Variants in ZNF517 observed in about 807,000 individuals in gnomAD.
ZNF517 encodes zinc finger protein 517.
A neutral mutation model predicts 12.1 loss-of-function variants in ZNF517; 12 were observed. The observed-to-expected ratio is 0.99, with a 90% confidence interval of 0.63 to 1.61. The LOEUF is 1.61. Ranked by LOEUF, ZNF517 falls within the 40% of genes most tolerant of loss-of-function variation. The probability of loss-of-function intolerance (pLI) is 0.00; values close to 1 mark genes in which losing one functional copy is unlikely to be tolerated. For missense variants in ZNF517, 781 were observed against 693.2 expected (o/e 1.13, Z -1.42); for synonymous variants, 388 against 310.2 (o/e 1.25, Z -2.63).
intron 4 of ZNF517, among the ~76,000 whole-genome samples, chr8:144,806,473 A>ATTTTAT (rs1827229110): frequency 6.6e-6 from 1 of 151,540 alleles, no homozygotes; most frequent in South Asian, 2.1e-4. Flanking sequence ...CCCTGATTTT[A>ATTTTAT]TTTTATTTTT....
chr8:144,802,746 G>T, intron 1 of ZNF517, 124 bp from the exon 2 acceptor site: 1 of 1,425,024 alleles, frequency 7.0e-7, no homozygotes, highest in Non-Finnish European at 9.2e-7. Context: ...TGAAGGAGGC[G>T]GCTGATGTGA....
chr8:144,806,106 C>T (rs1827214885), intron 4 of ZNF517, among the ~76,000 whole-genome samples: 1 of 152,218 alleles, frequency 6.6e-6, no homozygotes, highest in African/African-American at 2.4e-5. Context: ...GGCTTGCTTG[C>T]CCACAGGTTG....
chr8:144,801,724 A>G (rs1344250563), intron 1 of ZNF517, among the ~76,000 whole-genome samples: 1 of 152,148 alleles, frequency 6.6e-6, no homozygotes, highest in Admixed American at 6.5e-5. Context: ...TGGCCAAAAA[A>G]GTGTTAAATT....
At chr8:144,804,694 C>T (rs1586762611) in intron 4 of ZNF517, among the ~76,000 whole-genome samples, 1 of 151,990 alleles carries the variant, frequency 6.6e-6, no homozygotes, top group African/African-American at 2.4e-5. Context: ...TTATTGGATA[C>T]AAGGCGAAAG....
At chr8:144,802,689 G>C in intron 1 of ZNF517, 181 bp from the exon 2 acceptor site, 2 of 904,870 alleles carry the variant, frequency 2.2e-6, no homozygotes, top group South Asian at 1.0e-4. Flanking sequence ...AACATTGGAA[G>C]GAGTGGGTGT....
intron 4 of ZNF517, among the ~76,000 whole-genome samples, chr8:144,805,073 G>C (rs983516037): frequency 1.3e-5 from 2 of 152,222 alleles, no homozygotes; most frequent in Non-Finnish European, 2.9e-5. Flanking sequence ...CTGGGGAAAG[G>C]AAGACTCCCT....
At chr8:144,812,418 G>A (rs1286550195), downstream of ZNF517, among the ~76,000 whole-genome samples, 28 of 148,806 alleles carry the variant, frequency 1.9e-4, no homozygotes, top group Admixed American at 1.9e-3. Flanking sequence ...GGAAGCAAAG[G>A]CTGAGACAGG....
At position 144,809,995 on chromosome 8, in the gene ZNF517, G is replaced by A. The variant is rs1827498423; in HGVS notation, c.*1600G>A. 4.5e-6 allele frequency: 2 copies of A among 447,992 alleles called. No individual in the cohort carries two copies. Among genetic ancestry groups the A allele is most frequent in the East Asian group, 6.6e-5 (2 of 30,458 alleles). 27.8% of individuals were successfully genotyped at this position (447,992 alleles called of 1,614,324 possible). On this transcript the variant is annotated 3_prime_UTR_variant, in exon 5 of 5. Transcript: ENST00000359971. ...TTCAACCTGGGAGGTAGAGGTTGCA[G>A]TGAGCCGAGATCGAGCCACTGCACT...
chr8:144,811,166 G>A (rs1258652882), downstream of ZNF517: 4 of 152,280 alleles, frequency 2.6e-5, no homozygotes, highest in Non-Finnish European at 5.9e-5. Flanking sequence ...AAAGCATCCA[G>A]GATAGGTTCA....
chr8:144,802,988 C>T (rs1221447075), intron 2 of ZNF517, 41 bp downstream of exon 2: 1 of 1,612,694 alleles, frequency 6.2e-7, no homozygotes, highest in Non-Finnish European at 8.5e-7. Flanking sequence ...CAGGAGACTG[C>T]TTCGCCCCTA....
At chr8:144,813,315 CAAAAAAAAAA>C (rs55851018), downstream of ZNF517, among the ~76,000 whole-genome samples, 1 of 103,924 alleles carries the variant, frequency 9.6e-6, no homozygotes, top group South Asian at 3.1e-4. Flanking sequence ...GACTCTGTCT[CAAAAAAAAAA>C]AAAAAAAAAA....
Position 144,807,859 on chromosome 8 carries a change from C to T in ZNF517, c.943C>T (p.Arg315Trp), listed in dbSNP as rs530963808. The T allele has an allele frequency of 9.5e-6, 15 of 1,580,680 alleles. 1 individual carries two copies. The highest frequency in any genetic ancestry group is 6.9e-5 in the South Asian group (6 of 86,380). ...GCACGGCCGCATCCACAGCGGGGAGCGGCCCTACCGGTGCCTGCGGTGTGG... is the reference window on the plus strand; with the variant it reads ...GCACGGCCGCATCCACAGCGGGGAGTGGCCCTACCGGTGCCTGCGGTGTGG... ...NEHGRIHSGERPYRCLRCGQR... is the reference protein window; with the variant it reads ...NEHGRIHSGEWPYRCLRCGQR... The change falls in exon 5 of 5, where the codon CGG becomes TGG. Residue 315 changes from arginine (R) to tryptophan (W), a missense_variant. Coordinates refer to ENST00000359971, the MANE Select transcript of ZNF517 (RefSeq NM_213605.3).
At chr8:144,810,122 G>T (rs747574613), downstream of ZNF517, 13 of 686,800 alleles carry the variant, frequency 1.9e-5, no homozygotes, top group Non-Finnish European at 3.2e-5. Context: ...CTAATACACT[G>T]CCCAGCAGAA....
At chr8:144,804,844 A>T (rs1827143683) in intron 4 of ZNF517, among the ~76,000 whole-genome samples, 1 of 152,234 alleles carries the variant, frequency 6.6e-6, no homozygotes, top group African/African-American at 2.4e-5. Flanking sequence ...TATTTCTTCT[A>T]TGCATTTTAA....
chr8:144,807,879 G>T lies in ZNF517; in HGVS notation c.963G>T (p.Arg321=), dbSNP rs774424539. ...HSGERPYRCL[R]CGQRFIRGSS... ...GGGAGCGGCCCTACCGGTGCCTGCG[G>T]TGTGGGCAGCGCTTCATCCGAGGGT... The change falls in exon 5 of 5, where the codon CGG becomes CGT. Residue 321 remains arginine, a synonymous_variant. Coordinates refer to ENST00000359971, the MANE Select transcript of ZNF517 (RefSeq NM_213605.3). The T allele has an allele frequency of 3.8e-6, 6 of 1,562,732 alleles. No individual in the cohort carries two copies. The highest frequency in any genetic ancestry group is 8.6e-7 in the Non-Finnish European group (1 of 1,156,620).
rs746664750 is a variant in ZNF517 at position 144,807,755 on chromosome 8, A to G, written c.839A>G (p.Gln280Arg). 6.8e-6 allele frequency: 11 copies of G among 1,612,282 alleles called. No individual in the cohort carries two copies. Among genetic ancestry groups the G allele is most frequent in the Middle Eastern group, 1.6e-4 (1 of 6,084 alleles). Residue 280 changes from glutamine (Q) to arginine (R), a missense_variant, in exon 5 of 5, where the codon CAG becomes CGG. Transcript: ENST00000359971. Reference protein sequence around the residue: ...FSRSSRLLQHQKFHTGEKPFA... With the variant: ...FSRSSRLLQHRKFHTGEKPFA... ...CGCAGCTCCCGGCTGCTGCAGCACC[A>G]GAAGTTCCACACCGGGGAGAAGCCC...
At chr8:144,804,709 A>G (rs965249665) in intron 4 of ZNF517, among the ~76,000 whole-genome samples, 2 of 152,172 alleles carry the variant, frequency 1.3e-5, no homozygotes, top group Non-Finnish European at 2.9e-5. Context: ...CGAAAGGGGC[A>G]GGGTAAAGAG....
At chr8:144,802,253 G>A (rs773187638) in intron 1 of ZNF517, among the ~76,000 whole-genome samples, 1 of 152,128 alleles carries the variant, frequency 6.6e-6, no homozygotes, top group Non-Finnish European at 1.5e-5. Context: ...TGCCCAGGCC[G>A]GAGTGCAATG....
At chr8:144,810,097 T>C (rs1330811074), downstream of ZNF517, 1 of 591,726 alleles carries the variant, frequency 1.7e-6, no homozygotes, top group Non-Finnish European at 3.1e-6. Flanking sequence ...ATTGGTTTTG[T>C]CTCTCTAGAG....
Sources: gnomAD v4.1 joint callset for allele counts (sites outside exome capture counted in the v4.1 genomes callset) on GRCh38, gnomAD v4.1.1 for gene constraint, MANE v1.5 for transcripts, NCBI Gene and HGNC (gene_info 2026-07-23, HGNC 2026-07-21) for gene names.